L3MBTL4: variants seen among roughly 807,000 people sequenced by gnomAD.
L3MBTL4 encodes L3MBTL histone methyl-lysine binding protein 4.
Under a neutral mutation model 84.5 loss-of-function variants are expected in L3MBTL4, and 70 were observed. The observed-to-expected ratio is 0.83, with a 90% CI of 0.68 to 1.01. The LOEUF (loss-of-function observed/expected upper bound fraction) is 1.01, where lower values mean the gene tolerates loss of function less well. L3MBTL4 is among the 50% of genes least tolerant of loss of function. L3MBTL4 has a pLI of 0.00. For synonymous variants in L3MBTL4, 274 were observed against 259.8 expected (o/e 1.05, Z -0.52); for missense variants, 715 against 754.8 (o/e 0.95, Z 0.62).
chr18:6,324,752 ATCAG>A (rs1238112027), intron 1 of L3MBTL4, among the ~76,000 whole-genome samples: 1 of 98,856 alleles, frequency 1.0e-5, no homozygotes, highest in Non-Finnish European at 2.0e-5. Context: ...AGCCTGGATC[ATCAG>A]CCCAATCATG....
At chr18:6,021,323 C>A (rs1018290004) in intron 16 of L3MBTL4, among the ~76,000 whole-genome samples, 7 of 152,194 alleles carry the variant, frequency 4.6e-5, no homozygotes, top group Admixed American at 6.5e-5. Flanking sequence ...GATGGTGAAA[C>A]TTTTTTTCCC....
chr18:6,004,554 T>C (rs1377049893), intron 16 of L3MBTL4, among the ~76,000 whole-genome samples: 1 of 152,162 alleles, frequency 6.6e-6, no homozygotes, highest in Non-Finnish European at 1.5e-5. Flanking sequence ...AGAAGGAGAA[T>C]TATCTCTCTT....
intron 10 of L3MBTL4, among the ~76,000 whole-genome samples, chr18:6,235,419 A>C (rs2047178001): frequency 6.6e-6 from 1 of 152,222 alleles, no homozygotes; most frequent in Non-Finnish European, 1.5e-5. Flanking sequence ...CAAAAGGTAC[A>C]ACTAAACCAA....
chr18:6,348,124 C>T (rs920094191), intron 1 of L3MBTL4, among the ~76,000 whole-genome samples: 3 of 151,488 alleles, frequency 2.0e-5, no homozygotes, highest in Admixed American at 2.0e-4. Flanking sequence ...CTATATAGAA[C>T]ATTATTAAGA....
intron 16 of L3MBTL4, among the ~76,000 whole-genome samples, chr18:6,041,943 G>C (rs973111089): frequency 6.6e-6 from 1 of 151,870 alleles, no homozygotes; most frequent in African/African-American, 2.4e-5. Flanking sequence ...GGCTGGTCTT[G>C]AACTCTTGGC....
chr18:5,969,399 C>T lies in L3MBTL4; in HGVS notation c.1608G>A (p.Val536=), dbSNP rs373517552. 1.1e-5 allele frequency: 17 copies of T among 1,613,832 alleles called. No homozygotes were observed. The African/African-American group carries it at 1.9e-4, about 18-fold the overall frequency. Residue 536 remains valine, a synonymous_variant, in exon 17 of 19, where the codon GTG becomes GTA. Transcript: ENST00000317931. ...CCCCAGCAGCTCCACTCACCTCATC[C>T]ACAGTCCAACGTGCCACTTGGCTGG... The part of the protein sequence containing the change: ...IRASQVARWT[V]DEVAEFVQSL...
chr18:6,005,244 G>A (rs1212010958), intron 16 of L3MBTL4, among the ~76,000 whole-genome samples: 1 of 151,808 alleles, frequency 6.6e-6, no homozygotes, highest in Non-Finnish European at 1.5e-5. Flanking sequence ...TACTCAGGAA[G>A]CTGAAGCAGG....
chr18:6,027,486 G>A (rs373798637), intron 16 of L3MBTL4, among the ~76,000 whole-genome samples: 5 of 152,314 alleles, frequency 3.3e-5, no homozygotes, highest in East Asian at 1.9e-4. Context: ...AAATAGTGCT[G>A]CAATAAACAT....
chr18:6,395,375 A>G (rs1000480400), intron 1 of L3MBTL4: 26 of 151,872 alleles, frequency 1.7e-4, no homozygotes, highest in Non-Finnish European at 3.1e-4. Context: ...TTTCCTTTCT[A>G]CCTGCTTCAC....
chr18:6,010,152 A>C (rs2054669771), intron 16 of L3MBTL4, among the ~76,000 whole-genome samples: 1 of 152,120 alleles, frequency 6.6e-6, no homozygotes, highest in Non-Finnish European at 1.5e-5. Flanking sequence ...TAAGGTGGTA[A>C]ACTGAAAGTA....
At chr18:6,315,845 A>T (rs374820354) in intron 1 of L3MBTL4, among the ~76,000 whole-genome samples, 192 of 152,280 alleles carry the variant, frequency 1.3e-3, no homozygotes, top group African/African-American at 4.4e-3. Context: ...CTCATTTTTT[A>T]AAAAATTTTG....
At chr18:6,145,194 T>C (rs922422512) in intron 13 of L3MBTL4, among the ~76,000 whole-genome samples, 4 of 152,162 alleles carry the variant, frequency 2.6e-5, no homozygotes, top group African/African-American at 9.7e-5. Flanking sequence ...ATAAAAGAGA[T>C]TGTACTTATC....
At chr18:6,103,807 G>A (rs1323856198) in intron 14 of L3MBTL4, among the ~76,000 whole-genome samples, 1 of 152,198 alleles carries the variant, frequency 6.6e-6, no homozygotes, top group Non-Finnish European at 1.5e-5. Flanking sequence ...CTTTCTCAAA[G>A]TGATAAATTC....
chr18:6,208,962 G>A (rs2045983817), intron 12 of L3MBTL4, among the ~76,000 whole-genome samples: 1 of 152,180 alleles, frequency 6.6e-6, no homozygotes, highest in South Asian at 2.1e-4. Flanking sequence ...ACTAGTTTAA[G>A]TGGATTTATG....
At chr18:6,262,321 G>A (rs191589612) in intron 5 of L3MBTL4, among the ~76,000 whole-genome samples, 288 of 152,278 alleles carry the variant, frequency 1.9e-3, no homozygotes, top group Non-Finnish European at 3.4e-3. Flanking sequence ...ACACTCAGAA[G>A]CGAGAAGAGT....
At chr18:6,032,237 A>C in intron 16 of L3MBTL4, 1 of 768,538 alleles carries the variant, frequency 1.3e-6, no homozygotes, top group Non-Finnish European at 1.6e-6. Context: ...TCGGCCTCCC[A>C]AAGTGCTGGG....
At chr18:6,069,580 G>A (rs889320776) in intron 16 of L3MBTL4, among the ~76,000 whole-genome samples, 2 of 152,174 alleles carry the variant, frequency 1.3e-5, no homozygotes, top group Non-Finnish European at 2.9e-5. Flanking sequence ...CTTGAGCTGG[G>A]CTAGCTGCGG....
At chr18:6,144,591 A>C (rs1228410095) in intron 13 of L3MBTL4, among the ~76,000 whole-genome samples, 1 of 152,224 alleles carries the variant, frequency 6.6e-6, no homozygotes, top group Non-Finnish European at 1.5e-5. Flanking sequence ...TGGTTACTAC[A>C]CACAGCCCTC....
chr18:6,113,027 T>C (rs769071336), intron 14 of L3MBTL4, among the ~76,000 whole-genome samples: 1 of 152,192 alleles, frequency 6.6e-6, no homozygotes, highest in Non-Finnish European at 1.5e-5. Context: ...GAGCTGTGCC[T>C]GGTTAACTCC....
Sources: gnomAD v4.1 joint callset for allele counts (sites outside exome capture counted in the v4.1 genomes callset) on GRCh38, gnomAD v4.1.1 for gene constraint, MANE v1.5 for transcripts, NCBI Gene and HGNC (gene_info 2026-07-23, HGNC 2026-07-21) for gene names.